Variants in CBLC observed in about 807,000 individuals in gnomAD.
CBLC encodes the protein E3 ubiquitin-protein ligase CBL-C.
Under a neutral mutation model 58.6 loss-of-function variants are expected in CBLC, and 46 were observed. The observed-to-expected ratio is 0.79, with a 90% CI of 0.62 to 1.00. CBLC has a LOEUF of 1.00. Ranked by LOEUF, CBLC falls within the 50% of genes least tolerant of loss-of-function variation. CBLC has a pLI of 0.00. For synonymous variants in CBLC, 271 were observed against 264.2 expected (o/e 1.03, Z -0.25); for missense variants, 655 against 625.8 (o/e 1.05, Z -0.50).
At chr19:44,781,933 T>G (rs1379800213) in intron 3 of CBLC, among the ~76,000 whole-genome samples, 1 of 81,112 alleles carries the variant, frequency 1.2e-5, no homozygotes, top group African/African-American at 5.1e-5. Context: ...GAGGAGGGCC[T>G]GGGGCCTGGA....
chr19:44,789,919 C>A, intron 5 of CBLC, 85 bp from the exon 6 acceptor site: 1 of 878,636 alleles, frequency 1.1e-6, no homozygotes, highest in Non-Finnish European at 1.9e-6. Flanking sequence ...AAATATGGGG[C>A]CCTGTAGGGG....
intron 5 of CBLC, among the ~76,000 whole-genome samples, chr19:44,788,837 C>T (rs1967975808): frequency 6.6e-6 from 1 of 152,068 alleles, no homozygotes; most frequent in South Asian, 2.1e-4. Flanking sequence ...CAAATCTTTG[C>T]CTCAGGCATG....
intron 6 of CBLC, among the ~76,000 whole-genome samples, chr19:44,791,319 A>AAG (rs1384611801): frequency 6.6e-6 from 1 of 151,954 alleles, no homozygotes; most frequent in African/African-American, 2.4e-5. Context: ...AAAAAAAAAA[A>AAG]AAAGAAAGAA....
Position 44,778,200 on chromosome 19 carries a change from A to G in CBLC, c.269A>G (p.Lys90Arg), listed in dbSNP as rs768263588. The G allele has an allele frequency of 1.1e-5, 16 of 1,505,364 alleles. No homozygotes were observed. The South Asian group carries it at 1.6e-4, about 15-fold the overall frequency. The allele number at this position is 1,505,364 out of a possible 1,614,324, so 93.3% of individuals were successfully genotyped here. Residue 90 changes from lysine to arginine, a missense_variant, in exon 1 of 11, where the codon AAG (lysine) becomes AGG (arginine). Around this residue, in one of 3 missense-constraint regions of CBLC, gnomAD observed 280 missense variants for 237.2 expected, o/e 1.18. Coordinates refer to ENST00000647358, the MANE Select transcript of CBLC (RefSeq NM_012116.4). The stretch of plus-strand genomic sequence containing the variant: ...ATCTACCTGGCCAATCTGGAGGCCA[A>G]GAGCAGGCAGGTGGCCGCGCTGCTG... ...LLIYLANLEA[K>R]SRQVAALLPP...
chr19:44,800,412 C>T lies in CBLC; in HGVS notation c.1394C>T (p.Ala465Val), dbSNP rs904426529. Residue 465 changes from alanine to valine, a missense_variant, in exon 10 of 11, where the codon GCG (alanine) becomes GTG (valine). This residue lies in a region of CBLC where 371 missense variants were observed against 370.8 expected (regional missense o/e 1.00). Transcript: ENST00000647358. ...CTAAAGGGGAACTCCCCTCCAGCTGCGCTGGGACCCCAGGACCCTGCCCCG... is the reference window on the plus strand; with the variant it reads ...CTAAAGGGGAACTCCCCTCCAGCTGTGCTGGGACCCCAGGACCCTGCCCCG... Reference protein sequence around the residue: ...RLLKGNSPPAALGPQDPAPA With the variant: ...RLLKGNSPPAVLGPQDPAPA 3 of 1,613,300 alleles carry T rather than the reference C, an allele frequency of 1.9e-6. No homozygotes were observed. Among genetic ancestry groups the T allele is most frequent in the Non-Finnish European group, 2.5e-6 (3 of 1,179,300 alleles).
Position 44,793,505 on chromosome 19 carries a change from G to A in CBLC, c.1169G>A (p.Arg390His), listed in dbSNP as rs754761911. 4.2e-5 allele frequency: 67 copies of A among 1,612,050 alleles called. No homozygotes were observed. The highest frequency in any genetic ancestry group is 1.7e-4 in the Middle Eastern group (1 of 6,058). Reference sequence around the variant, plus strand: ...GACAGCCAGACCTGCCCCTTCTGCCGCTGCGAGATCAAGGGCTGGGAGGCC... The same window carrying A: ...GACAGCCAGACCTGCCCCTTCTGCCACTGCGAGATCAAGGGCTGGGAGGCC... ...HSDSQTCPFC[R>H]CEIKGWEAVS... The change falls in exon 8 of 11, where the codon CGC becomes CAC. Residue 390 changes from arginine to histidine, a missense_variant. This residue lies in a region of CBLC where 371 missense variants were observed against 370.8 expected (regional missense o/e 1.00). Transcript: ENST00000647358.
At chr19:44,786,213 G>A (rs1220878352) in intron 5 of CBLC, among the ~76,000 whole-genome samples, 1 of 151,906 alleles carries the variant, frequency 6.6e-6, no homozygotes, top group African/African-American at 2.4e-5. Context: ...GACTACAGGT[G>A]CACGCCACCA....
chr19:44,791,761 C>T (rs1056472990), intron 6 of CBLC, among the ~76,000 whole-genome samples: 12 of 150,300 alleles, frequency 8.0e-5, no homozygotes, highest in African/African-American at 2.9e-4. Flanking sequence ...TGAGTGTAGA[C>T]ATGTAGGAGG....
intron 9 of CBLC, 50 bp downstream of exon 9, chr19:44,794,331 C>G (rs1968134694): frequency 6.3e-7 from 1 of 1,575,272 alleles, no homozygotes. Flanking sequence ...CACTCACCTC[C>G]AGGGTCCCTG....
intron 3 of CBLC, 143 bp from the exon 4 acceptor site, chr19:44,782,227 A>T: frequency 8.2e-7 from 1 of 1,225,270 alleles, no homozygotes; most frequent in Admixed American, 2.3e-5. Context: ...GAGAAAGAAG[A>T]GCTTGGGGTC....
At chr19:44,787,431 G>A (rs141293695) in intron 5 of CBLC, among the ~76,000 whole-genome samples, 13 of 151,896 alleles carry the variant, frequency 8.6e-5, no homozygotes, top group South Asian at 2.1e-4. Context: ...GTCAATCGTA[G>A]AAGTCCCTTC....
At chr19:44,791,694 T>C (rs1319004248) in intron 6 of CBLC, among the ~76,000 whole-genome samples, 2 of 145,452 alleles carry the variant, frequency 1.4e-5, no homozygotes, top group African/African-American at 5.1e-5. Context: ...ATCGCGCCAC[T>C]GCACTCCAGC....
Position 44,784,415 on chromosome 19 carries a change from C to A in CBLC, c.917+14C>A, listed in dbSNP as rs1033584763. 3.2e-6 allele frequency: 5 copies of A among 1,564,612 alleles called. No homozygotes were observed. The highest frequency in any genetic ancestry group is 4.4e-6 in the Non-Finnish European group (5 of 1,143,260). On this transcript the variant is annotated intron_variant, in intron 5 of 10. Coordinates refer to ENST00000647358, the MANE Select transcript of CBLC (RefSeq NM_012116.4). ...GAAGGACGGCTTGTGAGTCTCCATT[C>A]TGGTAGGAGGAGGGTGTCAGCAAAA...
chr19:44,792,361 TCTC>T lies in CBLC; in HGVS notation c.1006-21_1006-19del, dbSNP rs1300949747. 1 of 1,612,378 alleles carries T rather than the reference TCTC, an allele frequency of 6.2e-7. No homozygotes were observed. Among genetic ancestry groups the T allele is most frequent in the Admixed American group, 1.7e-5 (1 of 59,964 alleles). ...GGCTGACGCATGCCCCTCGCTGTCT[TCTC>T]TATCCTCTCACCTGCCAGGAGCAGC... On this transcript the variant is annotated intron_variant, in intron 6 of 10. Transcript: ENST00000647358.
At chr19:44,794,368 G>A in intron 9 of CBLC, 87 bp downstream of exon 9, 1 of 1,255,132 alleles carries the variant, frequency 8.0e-7, no homozygotes, top group Non-Finnish European at 1.1e-6. Flanking sequence ...AGGGGTGCCA[G>A]GGCAGGGACT....
intron 5 of CBLC, 105 bp downstream of exon 5, chr19:44,784,506 T>A: frequency 8.6e-7 from 1 of 1,158,568 alleles, no homozygotes; most frequent in Non-Finnish European, 1.2e-6. Context: ...GTGCAACCAT[T>A]CACATAGGGG....
chr19:44,778,204 CA>C lies in CBLC; in HGVS notation c.274del (p.Arg92GlyfsTer187). On this transcript the variant is annotated frameshift_variant, in exon 1 of 11. Transcript: ENST00000647358. LOFTEE classifies it high-confidence loss of function. ...IYLANLEAKS[R>X]QVAALLPPRG... ...ACCTGGCCAATCTGGAGGCCAAGAG[CA>C]GGCAGGTGGCCGCGCTGCTGCCTCC... The C allele has an allele frequency of 6.7e-7, 1 of 1,499,726 alleles. No homozygotes were observed. The highest frequency in any genetic ancestry group is 1.3e-5 in the South Asian group (1 of 77,900). The allele number at this position is 1,499,726 out of a possible 1,614,324, so 92.9% of individuals were successfully genotyped here. A position where few individuals can be genotyped will look rare whatever the true frequency, so the allele number is the denominator to read the frequency against.
At chr19:44,781,393 CT>C in intron 3 of CBLC, 30 bp downstream of exon 3, 2 of 1,597,792 alleles carry the variant, frequency 1.3e-6, no homozygotes, top group Non-Finnish European at 1.7e-6. Flanking sequence ...GGGAGCTAGA[CT>C]TGGGTCCAGG....
At chr19:44,780,826 C>G in intron 1 of CBLC, 79 bp from the exon 2 acceptor site, 1 of 1,428,832 alleles carries the variant, frequency 7.0e-7, no homozygotes, top group Non-Finnish European at 9.7e-7. Flanking sequence ...CTTATCCCTG[C>G]AGGTGTTCCC....
Sources: gnomAD v4.1 joint callset for allele counts (sites outside exome capture counted in the v4.1 genomes callset) on GRCh38, gnomAD v4.1.1 for gene constraint, gnomAD v4.1.1 regional missense constraint, MANE v1.5 for transcripts, NCBI Gene and HGNC (gene_info 2026-07-23, HGNC 2026-07-21) for gene names.